The following NUB1 variants were observed in gnomAD, a reference collection of about 807,000 sequenced individuals.
The protein encoded by NUB1 is negative regulator of ubiquitin like proteins 1, also known as NEDD8 ultimate buster 1.
A neutral mutation model predicts 77.1 loss-of-function variants in NUB1; 41 were observed. That is an observed-to-expected ratio of 0.53 (90% CI 0.41 to 0.69). The LOEUF (loss-of-function observed/expected upper bound fraction) is 0.69. Among genes scored for constraint, NUB1 ranks in the 30% least tolerant of loss-of-function variants. The pLI, the probability that NUB1 is intolerant of heterozygous loss-of-function variation, is 0.00. For missense variants in NUB1, 643 were observed against 743.8 expected (o/e 0.86, Z 1.58); for synonymous variants, 257 against 281.0 (o/e 0.91, Z 0.85).
intron 13 of NUB1, chr7:151,376,167 C>A (rs191846760): frequency 2.1e-4 from 110 of 528,108 alleles, no homozygotes; most frequent in African/African-American, 1.1e-3. Context: ...AGGAAGTTCT[C>A]TTTAGGTTTG....
At position 151,366,927 on chromosome 7, in the gene NUB1, T is replaced by C. The variant is rs370365707; in HGVS notation, c.801-12T>C. 46 of 1,575,522 alleles carry C rather than the reference T, an allele frequency of 2.9e-5. No individual in the cohort carries two copies. The African/African-American group carries it at 5.9e-4, about 20-fold the overall frequency. On this transcript the variant is annotated splice_polypyrimidine_tract_variant and intron_variant, in intron 8 of 14. Coordinates refer to ENST00000568733, the MANE Select transcript of NUB1 (RefSeq NM_001243351.2). ...CTGCTTGGCAGTGATGTCACTGTCC[T>C]TCTCTTTCCAGTGAGTGTTGCAGAG... is the stretch of plus-strand genomic sequence containing the variant.
chr7:151,362,763 G>A (rs1330557971), intron 8 of NUB1, among the ~76,000 whole-genome samples: 1 of 152,232 alleles, frequency 6.6e-6, no homozygotes, highest in East Asian at 1.9e-4. Context: ...GCCCTTTTGA[G>A]TCTTCTGCTC....
Position 151,355,810 on chromosome 7 carries a change from C to A in NUB1, c.458C>A (p.Ala153Glu). Residue 153 changes from alanine to glutamate, a missense_variant, in exon 6 of 15, where the codon GCG becomes GAG. Coordinates refer to ENST00000568733, the MANE Select transcript of NUB1 (RefSeq NM_001243351.2). Reference protein sequence around the residue: ...EEQGVAHNVKAMVLELKQSEE... With the variant: ...EEQGVAHNVKEMVLELKQSEE... ...CAAGGCGTGGCTCACAATGTGAAAG[C>A]GATGGTGCTTGAACTAAAACAATCT... 6.2e-7 allele frequency: 1 copy of A among 1,607,676 alleles called. No homozygotes were observed.
At chr7:151,357,827 C>G (rs954833602) in intron 7 of NUB1, among the ~76,000 whole-genome samples, 21 of 150,018 alleles carry the variant, frequency 1.4e-4, no homozygotes, top group African/African-American at 5.1e-4. Flanking sequence ...CCAGACTGTT[C>G]TTGAACTCCT....
intron 1 of NUB1, among the ~76,000 whole-genome samples, chr7:151,342,746 C>T (rs1418994038): frequency 1.3e-5 from 2 of 152,186 alleles, no homozygotes; most frequent in African/African-American, 4.8e-5. Flanking sequence ...CTCTTGTTTG[C>T]TCCCTGGAGT....
In NUB1 at chr7:151,367,973, G is replaced by A; in HGVS notation, c.1095+5G>A. ...GCTTATGAGTATCTTAACAAGGTAA[G>A]AAAAGTAAAGTTGTAACCAATTTTC... On this transcript the variant is annotated splice_donor_5th_base_variant and intron_variant, in intron 10 of 14. Transcript: ENST00000568733. The A allele has an allele frequency of 6.6e-7, 1 of 1,514,010 alleles. No homozygotes were observed. The highest frequency in any genetic ancestry group is 1.2e-5 in the South Asian group (1 of 80,414). The allele number at this position is 1,514,010 out of a possible 1,614,324, so 93.8% of individuals were successfully genotyped here.
At chr7:151,373,784 G>A (rs1798071065) in intron 11 of NUB1, among the ~76,000 whole-genome samples, 1 of 152,380 alleles carries the variant, frequency 6.6e-6, no homozygotes, top group Admixed American at 6.5e-5. Context: ...CTCTGCAGTG[G>A]GAGTGCTGGG....
rs192941020 is a variant in NUB1, at chr7:151,376,577, G to A, written c.1492-57G>A. On this transcript the variant is annotated intron_variant, in intron 13 of 14. Coordinates refer to ENST00000568733, the MANE Select transcript of NUB1 (RefSeq NM_001243351.2). ...TCGGCTGTCCACTCGTATGGCTGAC[G>A]GGGGTGGCAGAAGAGGCGCCAGGGG... The A allele has an allele frequency of 2.2e-4, 336 of 1,496,062 alleles. 3 individuals are homozygous for A. In the East Asian group the frequency reaches 6.6e-3, roughly 29 times the overall value. The allele number at this position is 1,496,062 out of a possible 1,614,324, so 92.7% of individuals were successfully genotyped here. A position where few individuals can be genotyped will look rare whatever the true frequency, so the allele number is the denominator to read the frequency against.
intron 1 of NUB1, among the ~76,000 whole-genome samples, chr7:151,343,038 G>A (rs1796286794): frequency 6.6e-6 from 1 of 152,214 alleles, no homozygotes; most frequent in African/African-American, 2.4e-5. Flanking sequence ...ACCAGCCTGT[G>A]AAATTACTGT....
At chr7:151,346,972 T>C (rs1230058057) in intron 2 of NUB1, among the ~76,000 whole-genome samples, 3 of 151,638 alleles carry the variant, frequency 2.0e-5, no homozygotes, top group Non-Finnish European at 2.9e-5. Context: ...ACCTGTGGAG[T>C]CTAACGCTAA....
intron 12 of NUB1, 111 bp downstream of exon 12, chr7:151,374,354 G>T: frequency 7.4e-7 from 1 of 1,349,200 alleles, no homozygotes; most frequent in East Asian, 2.5e-5. Context: ...GGGCTGCCCC[G>T]TCATCCGGAT....
At chr7:151,348,568 GCTTTTTT>G (rs1457128060) in intron 2 of NUB1, among the ~76,000 whole-genome samples, 2 of 58,182 alleles carry the variant, frequency 3.4e-5, no homozygotes, top group Non-Finnish European at 7.2e-5. Context: ...TTTGCTTTTT[GCTTTTTT>G]TTTTTTTTTT....
At chr7:151,358,514 T>C (rs1178236913) in intron 7 of NUB1, among the ~76,000 whole-genome samples, 3 of 152,164 alleles carry the variant, frequency 2.0e-5, no homozygotes, top group Non-Finnish European at 2.9e-5. Context: ...CTTAGGAGCA[T>C]GAACCCTATT....
intron 1 of NUB1, among the ~76,000 whole-genome samples, chr7:151,344,566 C>T (rs529552343): frequency 2.0e-5 from 3 of 151,146 alleles, no homozygotes; most frequent in Admixed American, 6.6e-5. Flanking sequence ...AGCTCCTGAA[C>T]TCAGCCTCCC....
chr7:151,360,060 T>C, intron 7 of NUB1, 81 bp from the exon 8 acceptor site: 1 of 639,810 alleles, frequency 1.6e-6, no homozygotes, highest in Non-Finnish European at 2.7e-6. Flanking sequence ...TACTTTGTTT[T>C]TTAAAAAGTA....
intron 5 of NUB1, among the ~76,000 whole-genome samples, chr7:151,353,318 A>G (rs375192): frequency 0.87 from 131,733 of 152,050 alleles, 57,268 homozygotes; most frequent in East Asian, 0.99. Context: ...TGTGTGGAGA[A>G]TGAGGGGAGG....
chr7:151,377,373 G>A lies in NUB1; in HGVS notation c.*148G>A. 1 of 550,900 alleles carries A rather than the reference G, an allele frequency of 1.8e-6. No individual in the cohort carries two copies. The highest frequency in any genetic ancestry group is 3.1e-6 in the Non-Finnish European group (1 of 325,762). 34.1% of individuals were successfully genotyped at this position (550,900 alleles called of 1,614,324 possible). ...GGTGGGCAGGGGACAAGTCCAGGAG[G>A]GGTCCCAGGGCCTTCATGCGTGGTC... On this transcript the variant is annotated 3_prime_UTR_variant, in exon 15 of 15. Transcript: ENST00000568733.
At chr7:151,367,187 C>A in intron 9 of NUB1, 62 bp downstream of exon 9, 1 of 1,387,330 alleles carries the variant, frequency 7.2e-7, no homozygotes, top group Non-Finnish European at 1.0e-6. Context: ...GTGTTTATTC[C>A]TGTTAAAGTA....
intron 8 of NUB1, among the ~76,000 whole-genome samples, chr7:151,366,679 A>C (rs1262911335): frequency 6.6e-6 from 1 of 152,156 alleles, no homozygotes; most frequent in Non-Finnish European, 1.5e-5. Context: ...AAGGGGCTGC[A>C]TGTGTGTCCT....
Sources: allele counts gnomAD v4.1 joint callset (sites outside exome capture counted in the v4.1 genomes callset), GRCh38; gene constraint gnomAD v4.1.1; transcripts MANE v1.5; gene names NCBI Gene and HGNC (gene_info 2026-07-23, HGNC 2026-07-21).